Variants in TMPRSS13 observed in about 807,000 individuals in gnomAD.
TMPRSS13 encodes transmembrane protease serine 13.
A neutral mutation model predicts 68.4 loss-of-function variants in TMPRSS13; 50 were observed. That is an observed-to-expected ratio of 0.73 (90% CI 0.58 to 0.93). TMPRSS13 has a LOEUF of 0.93. TMPRSS13 is among the 40% of genes least tolerant of loss of function. The pLI is 0.00. For synonymous variants in TMPRSS13, 267 were observed against 285.8 expected, an observed-to-expected ratio of 0.93 and a Z score of 0.66; for missense variants, 615 against 729.2, an observed-to-expected ratio of 0.84 and a Z score of 1.80.
At chr11:117,927,949 G>C (rs1335706449) in intron 1 of TMPRSS13, among the ~76,000 whole-genome samples, 1 of 152,130 alleles carries the variant, frequency 6.6e-6, no homozygotes, top group Non-Finnish European at 1.5e-5. Flanking sequence ...TATCCCTCCA[G>C]CAGCCTTCAT....
rs759521631 is a variant in TMPRSS13 at position 117,905,661 on chromosome 11, A to T, written c.1358T>A (p.Phe453Tyr). ...ACCATCTGTCTCCCTGGTCTTGCCA[A>T]AGCCTGTGATCCAGCAGGTCTCATT... ...SLNETCWITG[F>Y]GKTRETDDKT... Residue 453 changes from phenylalanine to tyrosine, a missense_variant, in exon 10 of 13, where the codon TTT becomes TAT. Physicochemically the swap from Phe to Tyr is conservative, Grantham distance 22. Coordinates refer to ENST00000524993, the MANE Select transcript of TMPRSS13 (RefSeq NM_001077263.3). The T allele has an allele frequency of 2.1e-5, 33 of 1,604,056 alleles. No homozygotes were observed. Among genetic ancestry groups the T allele is most frequent in the Non-Finnish European group, 2.8e-5 (33 of 1,174,242 alleles).
In TMPRSS13 at chr11:117,910,546, C is replaced by T. The variant is rs189834391; in HGVS notation, c.946+161G>A. 125 of 609,870 alleles carry T rather than the reference C, an allele frequency of 2.0e-4. 3 individuals carry two copies. The East Asian group carries it at 3.3e-3, about 16-fold the overall frequency. The allele number at this position is 609,870 out of a possible 1,614,324, so 37.8% of individuals were successfully genotyped here. The stretch of plus-strand genomic sequence containing the variant: ...AGGGGAAATGTTACCCTGGGTGTAC[C>T]GGTGCCTTACAGGGACTCCAGCCCT... On this transcript the variant is annotated intron_variant, in intron 7 of 12. Coordinates refer to ENST00000524993, the MANE Select transcript of TMPRSS13 (RefSeq NM_001077263.3).
At position 117,914,569 on chromosome 11, in the gene TMPRSS13, A is replaced by T; in HGVS notation, c.557-55T>A. The T allele has an allele frequency of 6.2e-7, 1 of 1,607,714 alleles. No individual in the cohort carries two copies. Reference sequence around the variant, plus strand: ...ATGGCCAGCCCCACTGAGATGAGACACTGAGCAGCCCAAGGACCTGGGGGT... The same window carrying T: ...ATGGCCAGCCCCACTGAGATGAGACTCTGAGCAGCCCAAGGACCTGGGGGT... On this transcript the variant is annotated intron_variant, in intron 3 of 12. Coordinates refer to ENST00000524993, the MANE Select transcript of TMPRSS13 (RefSeq NM_001077263.3). The surrounding 1 kb of genome is among the most constrained non-coding windows in gnomAD (Gnocchi z 4.2).
chr11:117,908,093 G>A, intron 9 of TMPRSS13: 1 of 924,612 alleles, frequency 1.1e-6, no homozygotes, highest in Non-Finnish European at 1.2e-6. Context: ...CTAGAGCCAG[G>A]TGGGGAGAGC....
At chr11:117,904,336 C>T (rs1016447969) in intron 10 of TMPRSS13, among the ~76,000 whole-genome samples, 1 of 152,056 alleles carries the variant, frequency 6.6e-6, no homozygotes, top group Non-Finnish European at 1.5e-5. Context: ...GAGACAGAGA[C>T]ATCCATGCAC....
rs370575136 is a variant in TMPRSS13, at chr11:117,929,311, C to G, written c.-4G>C. 3 of 1,605,598 alleles carry G rather than the reference C, an allele frequency of 1.9e-6. No individual in the cohort carries two copies. Among genetic ancestry groups the G allele is most frequent in the East Asian group, 2.3e-5 (1 of 44,002 alleles). On this transcript the variant is annotated 5_prime_UTR_variant, in exon 1 of 13. Transcript: ENST00000524993. ...CCCCGTGGCTGTCCCTCTCCATGGTCTCTGAGGGGAAGAGTCCTCCAGGCT... is the reference window on the plus strand; with the variant it reads ...CCCCGTGGCTGTCCCTCTCCATGGTGTCTGAGGGGAAGAGTCCTCCAGGCT...
chr11:117,928,271 C>T (rs563578647), intron 1 of TMPRSS13, among the ~76,000 whole-genome samples: 54 of 152,118 alleles, frequency 3.5e-4, no homozygotes, highest in African/African-American at 1.3e-3. Flanking sequence ...GAGACATGAA[C>T]GAAGGAGCCC....
chr11:117,910,547 G>A (rs866909245), intron 7 of TMPRSS13, 160 bp downstream of exon 7: 53 of 610,022 alleles, frequency 8.7e-5, no homozygotes, highest in Non-Finnish European at 1.2e-4. Context: ...TGGGTGTACC[G>A]GTGCCTTACA....
intron 9 of TMPRSS13, 156 bp downstream of exon 9, chr11:117,908,456 A>C: frequency 1.3e-6 from 1 of 770,476 alleles, no homozygotes; most frequent in East Asian, 2.7e-5. Flanking sequence ...ATTATAAAAC[A>C]GAAGTGTTCC....
chr11:117,908,953 C>A (rs2057492613), intron 8 of TMPRSS13, among the ~76,000 whole-genome samples, 169 bp from the exon 9 acceptor site: 1 of 152,160 alleles, frequency 6.6e-6, no homozygotes, highest in Non-Finnish European at 1.5e-5. Flanking sequence ...CCAAAGCAAT[C>A]CCCCACAGCC....
Position 117,918,090 on chromosome 11 carries a change from C to A in TMPRSS13, c.451+319G>T, listed in dbSNP as rs1175952333. On this transcript the variant is annotated intron_variant, in intron 2 of 12. Coordinates refer to ENST00000524993, the MANE Select transcript of TMPRSS13 (RefSeq NM_001077263.3). ...CCCACAGGACAGCACAAGGAGAGAA[C>A]CCTGTGACTAACTGGGAGACCTTGC... Among the ~76,000 whole-genome samples the A allele has an allele frequency of 2.6e-5, 4 of 152,122 alleles. No homozygotes were observed. In the East Asian group the frequency reaches 7.7e-4, roughly 29 times the overall value.
At position 117,903,992 on chromosome 11, in the gene TMPRSS13, A is replaced by G; in HGVS notation, c.1491T>C (p.Ala497=). 1 of 1,613,164 alleles carries G rather than the reference A, an allele frequency of 6.2e-7. No individual in the cohort carries two copies. The highest frequency in any genetic ancestry group is 8.5e-7 in the Non-Finnish European group (1 of 1,179,604). ...DSYLTPRMMC[A]GDLRGGRDSC... The stretch of plus-strand genomic sequence containing the variant: ...AGTCTCTGCCCCCACGAAGGTCCCC[A>G]GCACACATCATCCTTGGGGTAAGGT... The change falls in exon 11 of 13, where the codon GCT becomes GCC. Residue 497 remains alanine (A), a synonymous_variant. Coordinates refer to ENST00000524993, the MANE Select transcript of TMPRSS13 (RefSeq NM_001077263.3).
At chr11:117,913,293 C>A (rs1176958887) in intron 5 of TMPRSS13, among the ~76,000 whole-genome samples, 2 of 152,222 alleles carry the variant, frequency 1.3e-5, no homozygotes, top group African/African-American at 2.4e-5. Flanking sequence ...GAGCCAAAGA[C>A]CCTTATGATT....
At chr11:117,920,865 T>A (rs1031353720) in intron 1 of TMPRSS13, among the ~76,000 whole-genome samples, 1 of 152,202 alleles carries the variant, frequency 6.6e-6, no homozygotes, top group Non-Finnish European at 1.5e-5. Context: ...TCTGATTGCC[T>A]CCATTCCCAA....
At chr11:117,928,768 A>C (rs1260810418) in intron 1 of TMPRSS13, among the ~76,000 whole-genome samples, 1 of 152,216 alleles carries the variant, frequency 6.6e-6, no homozygotes, top group Admixed American at 6.5e-5. Context: ...AAGTCCAAAA[A>C]GAAGTGACCA....
chr11:117,917,245 C>T lies in TMPRSS13; in HGVS notation c.481G>A (p.Glu161Lys), dbSNP rs1175839555. The T allele has an allele frequency of 1.2e-6, 2 of 1,612,664 alleles. No individual in the cohort carries two copies. Among genetic ancestry groups the T allele is most frequent in the South Asian group, 1.1e-5 (1 of 91,050 alleles). ...ATGAGCGGTAGCTGCTTCTGGCCCT[C>T]CCGCCAGGTGAACTTGGGCAGGCTC... ...GTSLPKFTWR[E>K]GQKQLPLIGC... Residue 161 changes from glutamate (E) to lysine (K), a missense_variant, in exon 3 of 13, where the codon GAG becomes AAG. By Grantham distance (56) the Glu-to-Lys change is moderately conservative. Transcript: ENST00000524993.
Position 117,908,713 on chromosome 11 carries a change from G to C in TMPRSS13, c.1181C>G (p.Ala394Gly). 6.2e-7 allele frequency: 1 copy of C among 1,607,688 alleles called. No individual in the cohort carries two copies. Among genetic ancestry groups the C allele is most frequent in the Non-Finnish European group, 8.5e-7 (1 of 1,177,994 alleles). Reference sequence around the variant, plus strand: ...GATGATGATCTCGGCAATGGAGGCTGCCTCAGGCAACTGGTGCAGGTTGCT... The same window carrying C: ...GATGATGATCTCGGCAATGGAGGCTCCCTCAGGCAACTGGTGCAGGTTGCT... ...GTSNLHQLPE[A>G]ASIAEIIINS... Residue 394 changes from alanine to glycine, a missense_variant, in exon 9 of 13, where the codon GCA (alanine) becomes GGA (glycine). Ala to Gly is a moderately conservative substitution (Grantham distance 60, BLOSUM62 0). Transcript: ENST00000524993.
chr11:117,927,541 C>T (rs12294350), intron 1 of TMPRSS13, among the ~76,000 whole-genome samples: 7,919 of 152,220 alleles, frequency 0.052, 686 homozygotes, highest in African/African-American at 0.18. Flanking sequence ...CAGAGGAGTG[C>T]CATCAGGCTC....
Position 117,902,262 on chromosome 11 carries a change from C to T in TMPRSS13, c.1681G>A (p.Glu561Lys), listed in dbSNP as rs748588492. The T allele has an allele frequency of 3.9e-5, 63 of 1,613,322 alleles. No homozygotes were observed. The highest frequency in any genetic ancestry group is 8.3e-5 in the Admixed American group (5 of 59,996). The change falls in exon 13 of 13, where the codon GAG becomes AAG. Residue 561 changes from glutamate (E) to lysine (K), a missense_variant. Coordinates refer to ENST00000524993, the MANE Select transcript of TMPRSS13 (RefSeq NM_001077263.3). ...LPWIYSKMES[E>K]VRFRKS ...GGTTAGGATTTTCTGAATCGCACCTCGCTCTGAGGAAGAGAATGGGAGAAG... is the reference window on the plus strand; with the variant it reads ...GGTTAGGATTTTCTGAATCGCACCTTGCTCTGAGGAAGAGAATGGGAGAAG...
Sources: gnomAD v4.1 joint callset for allele counts (sites outside exome capture counted in the v4.1 genomes callset) on GRCh38, gnomAD v4.1.1 for gene constraint, Gnocchi (gnomAD v3.1) non-coding constraint, MANE v1.5 for transcripts, NCBI Gene and HGNC (gene_info 2026-07-23, HGNC 2026-07-21) for gene names.